NDRG1: variants seen among roughly 807,000 people sequenced by gnomAD.
NDRG1 encodes N-myc downstream regulated 1, also known as protein NDRG1.
NDRG1 carries 32 observed loss-of-function variants against 56.9 expected under a neutral mutation model. The ratio of observed to expected loss-of-function variants is 0.56; its 90% CI spans 0.42 to 0.76. The LOEUF (loss-of-function observed/expected upper bound fraction) is 0.76. NDRG1 is among the 30% of genes least tolerant of loss of function. The pLI is 0.00. For missense variants in NDRG1, 507 were observed against 545.7 expected (o/e 0.93, Z 0.71); for synonymous variants, 211 against 204.1 (o/e 1.03, Z -0.29).
chr8:133,241,936 T>G, intron 15 of NDRG1, 87 bp downstream of exon 15: 2 of 1,481,514 alleles, frequency 1.3e-6, no homozygotes, highest in East Asian at 2.3e-5. Context: ...GGACACAGAA[T>G]TGCTCATCCA....
intron 1 of NDRG1, chr8:133,284,687 T>C: frequency 4.4e-6 from 2 of 457,414 alleles, no homozygotes; most frequent in South Asian, 1.7e-5. Context: ...GGGACCTGCA[T>C]TGCTGATCCC....
intron 1 of NDRG1, among the ~76,000 whole-genome samples, chr8:133,286,440 C>T (rs1280506894): frequency 2.0e-5 from 3 of 152,224 alleles, no homozygotes; most frequent in Admixed American, 6.5e-5. Flanking sequence ...ACAGAAAAGA[C>T]AGAAATGTCC....
intron 8 of NDRG1, 23 bp downstream of exon 8, chr8:133,256,754 G>A (rs545856590): frequency 3.1e-5 from 50 of 1,612,408 alleles, no homozygotes; most frequent in Admixed American, 1.0e-4. Flanking sequence ...GGATCCCGCC[G>A]GCCTGACAGG....
chr8:133,267,004 C>T (rs1042135309), intron 3 of NDRG1, among the ~76,000 whole-genome samples: 2 of 152,118 alleles, frequency 1.3e-5, no homozygotes, highest in African/African-American at 4.8e-5. Flanking sequence ...ATGAAAGCTC[C>T]GTACTGAGTT....
intron 1 of NDRG1, among the ~76,000 whole-genome samples, chr8:133,286,907 G>A (rs921738607): frequency 1.3e-5 from 2 of 152,256 alleles, no homozygotes. Flanking sequence ...TGTTGGTCGC[G>A]TCCTGCAATA....
At chr8:133,244,421 A>C (rs758842928) in intron 13 of NDRG1, 31 bp from the exon 14 acceptor site, 1 of 1,614,112 alleles carries the variant, frequency 6.2e-7, no homozygotes, top group East Asian at 2.2e-5. Context: ...TTAGTGCCAA[A>C]CACCACAGCC....
intron 3 of NDRG1, among the ~76,000 whole-genome samples, chr8:133,273,173 AC>A (rs869168923): frequency 9.6e-5 from 2 of 20,798 alleles, no homozygotes; most frequent in Admixed American, 1.6e-3. Context: ...GAGCACACAA[AC>A]ACAGATTCCC....
At chr8:133,246,490 TA>T (rs1855686410) in intron 13 of NDRG1, 125 bp downstream of exon 13, 1 of 1,036,714 alleles carries the variant, frequency 9.6e-7, no homozygotes, top group African/African-American at 1.6e-5. Flanking sequence ...ACAGATAGAT[TA>T]AATCATTAAT....
At chr8:133,277,978 C>T (rs759457155) in intron 3 of NDRG1, among the ~76,000 whole-genome samples, 7 of 152,178 alleles carry the variant, frequency 4.6e-5, no homozygotes, top group Non-Finnish European at 1.0e-4. Context: ...GGGGCCTTCA[C>T]CTGAGGAGGA....
At chr8:133,289,785 G>A (rs965515447) in intron 1 of NDRG1, among the ~76,000 whole-genome samples, 1 of 152,236 alleles carries the variant, frequency 6.6e-6, no homozygotes, top group Non-Finnish European at 1.5e-5. Context: ...CACAGAGCCT[G>A]TGATTCCCAA....
In NDRG1 at chr8:133,238,835, A is replaced by C. The variant is rs767952251; in HGVS notation, c.*43T>G. 2.3e-5 allele frequency: 36 copies of C among 1,537,052 alleles called. No individual in the cohort carries two copies. The highest frequency in any genetic ancestry group is 3.1e-5 in the Non-Finnish European group (35 of 1,145,318). On this transcript the variant is annotated 3_prime_UTR_variant, in exon 16 of 16. Coordinates refer to ENST00000323851, the MANE Select transcript of NDRG1 (RefSeq NM_006096.4). ...AAAAGGGGCCGGGGAGGAGGGGGCCACTACAGAGATCAGAGTCCGGGGGCG... is the reference window on the plus strand; with the variant it reads ...AAAAGGGGCCGGGGAGGAGGGGGCCCCTACAGAGATCAGAGTCCGGGGGCG...
chr8:133,238,831 G>A lies in NDRG1; in HGVS notation c.*47C>T. 1 of 1,531,778 alleles carries A rather than the reference G, an allele frequency of 6.5e-7. No homozygotes were observed. Among genetic ancestry groups the A allele is most frequent in the Non-Finnish European group, 8.8e-7 (1 of 1,142,510 alleles). 94.9% of individuals were successfully genotyped at this position (1,531,778 alleles called of 1,614,324 possible). On this transcript the variant is annotated 3_prime_UTR_variant, in exon 16 of 16. Transcript: ENST00000323851. The stretch of plus-strand genomic sequence containing the variant: ...GGCGAAAAGGGGCCGGGGAGGAGGG[G>A]GCCACTACAGAGATCAGAGTCCGGG...
chr8:133,277,858 G>A (rs1857545765), intron 3 of NDRG1, among the ~76,000 whole-genome samples: 1 of 152,134 alleles, frequency 6.6e-6, no homozygotes, highest in Non-Finnish European at 1.5e-5. Context: ...CTGGAGCACT[G>A]TCTCCATTTC....
intron 3 of NDRG1, among the ~76,000 whole-genome samples, chr8:133,274,028 C>T (rs1190897803): frequency 9.2e-5 from 14 of 152,222 alleles, no homozygotes; most frequent in Non-Finnish European, 1.6e-4. Flanking sequence ...CCGCCCACCC[C>T]GTGCCCTGAG....
chr8:133,276,165 T>C (rs924311342), intron 3 of NDRG1, among the ~76,000 whole-genome samples: 5 of 152,214 alleles, frequency 3.3e-5, no homozygotes, highest in Admixed American at 6.5e-5. Flanking sequence ...AAGGCTTCTC[T>C]GTGTGGCCCC....
chr8:133,289,110 C>CT (rs1009720873), intron 1 of NDRG1, among the ~76,000 whole-genome samples: 2 of 152,110 alleles, frequency 1.3e-5, no homozygotes, highest in Admixed American at 1.3e-4. Context: ...GAGACAGGGT[C>CT]TTGCTATGTT....
chr8:133,262,273 T>A, intron 4 of NDRG1, 106 bp from the exon 5 acceptor site: 1 of 1,423,472 alleles, frequency 7.0e-7, no homozygotes, highest in Non-Finnish European at 9.7e-7. Context: ...TATTCAGAAG[T>A]AGGAAGTGAA....
intron 2 of NDRG1, among the ~76,000 whole-genome samples, chr8:133,283,750 C>A (rs1349869730): frequency 3.3e-5 from 5 of 152,234 alleles, no homozygotes; most frequent in African/African-American, 4.8e-5. Context: ...CAAGTGGACA[C>A]CAAGCTGCAA....
At chr8:133,292,129 TCTC>T (rs1022934747) in intron 1 of NDRG1, among the ~76,000 whole-genome samples, 5 of 152,196 alleles carry the variant, frequency 3.3e-5, no homozygotes, top group Admixed American at 2.6e-4. Flanking sequence ...AGGACACTGG[TCTC>T]CTTAGAGGAT....
Sources: gnomAD v4.1 joint callset for allele counts (sites outside exome capture counted in the v4.1 genomes callset) on GRCh38, gnomAD v4.1.1 for gene constraint, MANE v1.5 for transcripts, NCBI Gene and HGNC (gene_info 2026-07-23, HGNC 2026-07-21) for gene names.